SIPA1L1: variants seen among roughly 807,000 people sequenced by gnomAD.
The protein encoded by SIPA1L1 is signal induced proliferation associated 1 like 1.
In SIPA1L1, 26 loss-of-function variants were observed where a neutral mutation model predicts 162.7. That is an observed-to-expected ratio of 0.16 (90% CI 0.12 to 0.22). The LOEUF is 0.22. Ranked by LOEUF, SIPA1L1 falls within the 10% of genes least tolerant of loss-of-function variation. SIPA1L1 has a pLI of 1.00. For missense variants in SIPA1L1, 1,874 were observed against 2,241.0 expected, an observed-to-expected ratio of 0.84 and a Z score of 3.31; for synonymous variants, 829 against 837.4, an observed-to-expected ratio of 0.99 and a Z score of 0.17.
intron 3 of SIPA1L1, among the ~76,000 whole-genome samples, chr14:71,514,472 GGAAGCTGCTGAT>G (rs1164478015): frequency 6.6e-6 from 1 of 152,176 alleles, no homozygotes; most frequent in African/African-American, 2.4e-5. Flanking sequence ...GAACTTATTA[GGAAGCTGCTGAT>G]CACCAGTTTC....
At chr14:71,488,536 G>C (rs899171629) in intron 2 of SIPA1L1, among the ~76,000 whole-genome samples, 2 of 152,108 alleles carry the variant, frequency 1.3e-5, no homozygotes, top group African/African-American at 4.8e-5. Flanking sequence ...GTGCTTTGAG[G>C]CTTCTTCAAA....
In SIPA1L1 at chr14:71,520,206, ATACT is replaced by A. The variant is rs1345870900; in HGVS notation, c.-362+7366_-362+7369del. Among the ~76,000 whole-genome samples, 4 of 152,200 alleles carry A rather than the reference ATACT, an allele frequency of 2.6e-5. No individual in the cohort carries two copies. In the East Asian group the frequency reaches 5.8e-4, roughly 22 times the overall value. Reference sequence around the variant, plus strand: ...TAGTTTCAGATTACCTCCATATGAAATACTTACTAATTACAAAGGGGGAAAGAAT... The same window carrying A: ...TAGTTTCAGATTACCTCCATATGAAATACTAATTACAAAGGGGGAAAGAAT... On this transcript the variant is annotated intron_variant, in intron 3 of 23. Transcript: ENST00000381232.
intron 18 of SIPA1L1, 68 bp downstream of exon 18, chr14:71,723,954 C>G: frequency 6.3e-7 from 1 of 1,585,664 alleles, no homozygotes; most frequent in Non-Finnish European, 8.6e-7. Flanking sequence ...AAAAGCTTGG[C>G]GTGATCTCTT....
intron 2 of SIPA1L1, among the ~76,000 whole-genome samples, chr14:71,403,943 T>A (rs2041860933): frequency 6.6e-6 from 1 of 152,132 alleles, no homozygotes; most frequent in African/African-American, 2.4e-5. Flanking sequence ...TATTGTAGGA[T>A]GAAGCTTACT....
intron 2 of SIPA1L1, among the ~76,000 whole-genome samples, chr14:71,418,632 A>G (rs570062733): frequency 1.5e-4 from 23 of 152,180 alleles, no homozygotes; most frequent in Non-Finnish European, 3.1e-4. Flanking sequence ...ATGAATTGCT[A>G]ATGTTTCTCG....
At chr14:71,450,891 T>C (rs926769042) in intron 2 of SIPA1L1, among the ~76,000 whole-genome samples, 12 of 152,190 alleles carry the variant, frequency 7.9e-5, no homozygotes, top group African/African-American at 2.7e-4. Flanking sequence ...ATCCAGCAGT[T>C]CCGCTGCTGG....
chr14:71,624,929 T>G (rs2039819873), intron 7 of SIPA1L1, among the ~76,000 whole-genome samples: 1 of 152,194 alleles, frequency 6.6e-6, no homozygotes, highest in Non-Finnish European at 1.5e-5. Flanking sequence ...TTTGAGCATA[T>G]GGGCCAATTT....
At chr14:71,667,134 T>G (rs185606848) in intron 10 of SIPA1L1, among the ~76,000 whole-genome samples, 357 of 152,180 alleles carry the variant, frequency 2.3e-3, no homozygotes, top group Non-Finnish European at 3.8e-3. Context: ...TGTCTCTCAG[T>G]CTCATCTACC....
At chr14:71,435,182 T>C (rs1245815685) in intron 2 of SIPA1L1, among the ~76,000 whole-genome samples, 1 of 151,686 alleles carries the variant, frequency 6.6e-6, no homozygotes, top group Non-Finnish European at 1.5e-5. Flanking sequence ...TTTTTCTTTT[T>C]TTTTAAATTA....
chr14:71,524,968 T>C (rs1194531051), intron 3 of SIPA1L1, among the ~76,000 whole-genome samples: 2 of 152,164 alleles, frequency 1.3e-5, no homozygotes, highest in African/African-American at 4.8e-5. Context: ...TTTTTTCTTT[T>C]CACTTGCCTT....
At chr14:71,653,801 A>AC (rs1006108974) in intron 8 of SIPA1L1, among the ~76,000 whole-genome samples, 1 of 152,060 alleles carries the variant, frequency 6.6e-6, no homozygotes, top group African/African-American at 2.4e-5. Flanking sequence ...ATTCCGACAA[A>AC]CCTGCTAGAT....
rs77321644 is a variant in SIPA1L1, at chr14:71,443,231, T to G, written c.-464-69512T>G. Reference sequence around the variant, plus strand: ...TATTTAGCCTTTCAGAATTCCATTTTATAATTTTGTAGTCCAGTATCTAGT... The same window carrying G: ...TATTTAGCCTTTCAGAATTCCATTTGATAATTTTGTAGTCCAGTATCTAGT... On this transcript the variant is annotated intron_variant, in intron 2 of 23. Coordinates refer to ENST00000381232, the MANE Select transcript of SIPA1L1 (RefSeq NM_001386936.1). Among the ~76,000 whole-genome samples the G allele has an allele frequency of 8.5e-4, 129 of 152,302 alleles. 2 individuals are homozygous for G. In the East Asian group the frequency reaches 0.024, roughly 29 times the overall value.
intron 6 of SIPA1L1, among the ~76,000 whole-genome samples, chr14:71,622,787 G>A (rs2039581494): frequency 6.6e-6 from 1 of 151,870 alleles, no homozygotes; most frequent in Admixed American, 6.6e-5. Flanking sequence ...AGTATACATC[G>A]TCCCCCTACG....
At chr14:71,705,399 C>A in intron 16 of SIPA1L1, 59 bp downstream of exon 16, 1 of 1,220,076 alleles carries the variant, frequency 8.2e-7, no homozygotes, top group Non-Finnish European at 1.2e-6. Context: ...CTTCCTTGCA[C>A]TATGAAAATG....
chr14:71,401,008 C>T lies in SIPA1L1; in HGVS notation c.-465+79827C>T, dbSNP rs1189145460. The T allele has an allele frequency of 3.3e-5, 5 of 152,164 alleles. 1 individual carries two copies. Among genetic ancestry groups the T allele is most frequent in the South Asian group, 4.1e-4 (2 of 4,828 alleles). The allele number at this position is 152,164 out of a possible 1,614,324, so 9.4% of individuals were successfully genotyped here. On this transcript the variant is annotated intron_variant, in intron 2 of 23. Transcript: ENST00000381232. ...GCACTTACTGCAGCAGCCTCCACAA[C>T]GAAGGAGCAGTGCTTCCAAAGAGGT...
chr14:71,674,855 C>T (rs900751105), intron 12 of SIPA1L1, among the ~76,000 whole-genome samples: 22 of 151,712 alleles, frequency 1.5e-4, no homozygotes, highest in Admixed American at 4.6e-4. Context: ...TGAGCCACCG[C>T]GCCCGGCCGC....
At chr14:71,543,950 T>TATATACACAC (rs1567179232) in intron 4 of SIPA1L1, among the ~76,000 whole-genome samples, 1 of 150,000 alleles carries the variant, frequency 6.7e-6, no homozygotes, top group Non-Finnish European at 1.5e-5. Context: ...TATATACATA[T>TATATACACAC]ACGCACATGT....
chr14:71,637,339 G>A (rs1048543884), intron 7 of SIPA1L1, among the ~76,000 whole-genome samples: 8 of 152,112 alleles, frequency 5.3e-5, no homozygotes, highest in African/African-American at 1.9e-4. Context: ...GAGAGAGAGA[G>A]TACATTGTAC....
intron 5 of SIPA1L1, among the ~76,000 whole-genome samples, chr14:71,604,861 G>T (rs2037302480): frequency 1.3e-5 from 2 of 152,042 alleles, no homozygotes; most frequent in Admixed American, 1.3e-4. Flanking sequence ...GTGCTGTGGA[G>T]AAGACCCTTT....
Sources: gnomAD v4.1 joint callset for allele counts (sites outside exome capture counted in the v4.1 genomes callset) on GRCh38, gnomAD v4.1.1 for gene constraint, MANE v1.5 for transcripts, NCBI Gene and HGNC (gene_info 2026-07-23, HGNC 2026-07-21) for gene names.